POLD1: variants seen among roughly 807,000 people sequenced by gnomAD.
POLD1 encodes DNA polymerase delta catalytic subunit.
POLD1 carries 79 observed loss-of-function variants against 129.7 expected under a neutral mutation model. The ratio of observed to expected loss-of-function variants is 0.61; its 90% CI spans 0.51 to 0.73. POLD1 has a LOEUF of 0.73. POLD1 is among the 30% of genes least tolerant of loss of function. The pLI is 0.00. For missense variants in POLD1, 1,338 were observed against 1,595.8 expected (o/e 0.84, Z 2.75); for synonymous variants, 714 against 683.3 (o/e 1.04, Z -0.70).
At chr19:50,401,386 TA>T (rs1281678151) in intron 3 of POLD1, among the ~76,000 whole-genome samples, 20 of 61,812 alleles carry the variant, frequency 3.2e-4, no homozygotes, top group African/African-American at 1.0e-3. Context: ...TATATATATA[TA>T]TATATTTTTT....
rs201187429 is a variant in POLD1 at position 50,401,887 on chromosome 19, C to T, written c.426C>T (p.His142=). 38 of 1,614,062 alleles carry T rather than the reference C, an allele frequency of 2.4e-5. No individual in the cohort carries two copies. The highest frequency in any genetic ancestry group is 2.9e-5 in the Non-Finnish European group (34 of 1,179,970). The change falls in exon 4 of 27, where the codon CAC becomes CAT. Residue 142 remains histidine (H), a synonymous_variant. Transcript: ENST00000440232. ...GGTTCTCTGTCTGCTGCCACATCCA[C>T]GGCTTCGCTCCCTACTTCTACACCC... ...DEGFSVCCHI[H]GFAPYFYTPA... is the part of the protein sequence containing the mutation.
chr19:50,408,690 A>ATT lies in POLD1; in HGVS notation c.1776-84_1776-83dup, dbSNP rs751745933. Reference sequence around the variant, plus strand: ...GAGCACTGCTCCCAGCCAATGAATGATTTTTTTTTTTTAAAGGGTGAGGCC... The same window carrying ATT: ...GAGCACTGCTCCCAGCCAATGAATGATTTTTTTTTTTTTTAAAGGGTGAGGCC... On this transcript the variant is annotated intron_variant, in intron 14 of 26. Transcript: ENST00000440232. 50 of 1,147,106 alleles carry ATT rather than the reference A, an allele frequency of 4.4e-5. No homozygotes were observed. The highest frequency in any genetic ancestry group is 2.3e-4 in the Middle Eastern group (1 of 4,398). 71.1% of individuals were successfully genotyped at this position (1,147,106 alleles called of 1,614,324 possible).
chr19:50,417,685 CCCCCCGT>C (rs1395754191), intron 26 of POLD1, among the ~76,000 whole-genome samples, 150 bp from the exon 27 acceptor site: 34 of 142,602 alleles, frequency 2.4e-4, no homozygotes, highest in African/African-American at 8.0e-4. Context: ...CCCCCCCACC[CCCCCCGT>C]GCCTGCTGAG....
At position 50,398,981 on chromosome 19, in the gene POLD1, A is replaced by T; in HGVS notation, c.130A>T (p.Met44Leu). Residue 44 changes from methionine (M) to leucine (L), a missense_variant, in exon 2 of 27, where the codon ATG becomes TTG. Around this residue, in one of 3 missense-constraint regions of POLD1, gnomAD observed 332 missense variants for 315.7 expected, o/e 1.05. Transcript: ENST00000440232. ...FEEDLALMEE[M>L]EAEHRLQEQE... ...GGAGGACCTGGCACTGATGGAGGAG[A>T]TGGAGGCAGAACACAGGCTGCAGGA... 1 of 1,572,504 alleles carries T rather than the reference A, an allele frequency of 6.4e-7. No individual in the cohort carries two copies. Among genetic ancestry groups the T allele is most frequent in the Non-Finnish European group, 8.6e-7 (1 of 1,158,888 alleles).
At chr19:50,391,306 C>T (rs1283514779) in intron 1 of POLD1, among the ~76,000 whole-genome samples, 2 of 152,156 alleles carry the variant, frequency 1.3e-5, no homozygotes, top group African/African-American at 4.8e-5. Flanking sequence ...GGCGGCCGGG[C>T]AGAGGCTGCA....
chr19:50,417,562 C>T (rs1414949644), intron 26 of POLD1, among the ~76,000 whole-genome samples: 12 of 152,224 alleles, frequency 7.9e-5, no homozygotes, highest in Admixed American at 1.3e-4. Flanking sequence ...AGGGCGGGGC[C>T]GGGCTTTCCC....
intron 1 of POLD1, among the ~76,000 whole-genome samples, chr19:50,389,711 C>T (rs1402015152): frequency 6.6e-6 from 1 of 151,626 alleles, no homozygotes; most frequent in Non-Finnish European, 1.5e-5. Flanking sequence ...CTCAGCCTCC[C>T]GAATAGCTGG....
intron 2 of POLD1, 55 bp downstream of exon 2, chr19:50,399,108 C>T: frequency 6.5e-7 from 1 of 1,550,072 alleles, no homozygotes; most frequent in Non-Finnish European, 8.7e-7. Context: ...CTGGTCTTGC[C>T]TTTGGTCCAA....
rs765448811 is a variant in POLD1, at chr19:50,402,476, G to T, written c.781G>T (p.Val261Phe). ...CAGGTTCATGGTGGACACGGACATC[G>T]TCGGCTGCAACTGGCTGGAGCTCCC... is the stretch of plus-strand genomic sequence containing the variant. ...EIRFMVDTDI[V>F]GCNWLELPAG... is the part of the protein sequence containing the mutation. Residue 261 changes from valine (V) to phenylalanine (F), a missense_variant, in exon 7 of 27, where the codon GTC (valine) becomes TTC (phenylalanine). Val to Phe is a conservative substitution (Grantham distance 50). Transcript: ENST00000440232. 1.2e-6 allele frequency: 2 copies of T among 1,612,338 alleles called. No individual in the cohort carries two copies. Among genetic ancestry groups the T allele is most frequent in the Non-Finnish European group, 1.7e-6 (2 of 1,179,316 alleles).
intron 1 of POLD1, among the ~76,000 whole-genome samples, chr19:50,397,191 G>T (rs915943434): frequency 2.6e-5 from 4 of 151,618 alleles, no homozygotes; most frequent in Non-Finnish European, 4.4e-5. Flanking sequence ...TTGAGGTCAG[G>T]AGTTCAAGAC....
Position 50,409,773 on chromosome 19 carries a change from C to T in POLD1, c.2154+107C>T, listed in dbSNP as rs945449832. 2 of 1,224,624 alleles carry T rather than the reference C, an allele frequency of 1.6e-6. No homozygotes were observed. The highest frequency in any genetic ancestry group is 1.5e-5 in the African/African-American group (1 of 65,938). 75.9% of individuals were successfully genotyped at this position (1,224,624 alleles called of 1,614,324 possible). The stretch of plus-strand genomic sequence containing the variant: ...GTATCCAGAGGACTGGGCACCCCAA[C>T]TCACTGGCCTTCTAGAGAGAGGATG... On this transcript the variant is annotated intron_variant, in intron 17 of 26. Transcript: ENST00000440232. This position sits in a 1 kb window ranked among gnomAD's most constrained non-coding sequence, Gnocchi z 5.8.
intron 26 of POLD1, among the ~76,000 whole-genome samples, 158 bp downstream of exon 26, chr19:50,417,427 T>C (rs1382566823): frequency 1.3e-5 from 2 of 152,086 alleles, no homozygotes; most frequent in Non-Finnish European, 2.9e-5. Context: ...TGTCCTTGTC[T>C]GAAAAATGGG....
Position 50,406,162 on chromosome 19 carries a change from AC to A in POLD1, c.1243-17del, listed in dbSNP as rs1568625987. On this transcript the variant is annotated intron_variant, in intron 10 of 26. Coordinates refer to ENST00000440232, the MANE Select transcript of POLD1 (RefSeq NM_002691.4). The surrounding 1 kb of genome is among the most constrained non-coding windows in gnomAD (Gnocchi z 5.5). Reference sequence around the variant, plus strand: ...GACGGGGACCCGCAGCCTGCTGCACACCCTGCCTCTCCTCCTCAGGTACAAA... The same window carrying A: ...GACGGGGACCCGCAGCCTGCTGCACACCTGCCTCTCCTCCTCAGGTACAAA... 6.2e-7 allele frequency: 1 copy of A among 1,608,136 alleles called. No individual in the cohort carries two copies.
At position 50,408,611 on chromosome 19, in the gene POLD1, G is replaced by T. The variant is rs183536093; in HGVS notation, c.1776-174G>T. ...TTGCCCAGGCTGATCTGAAACTCCT[G>T]AGTTCAAGCGATCCTCCTGCCTCAG... On this transcript the variant is annotated intron_variant, in intron 14 of 26. Transcript: ENST00000440232. 9.4e-4 allele frequency: 915 copies of T among 975,194 alleles called. 10 individuals carry two copies. Among genetic ancestry groups the T allele is most frequent in the South Asian group, 4.9e-3 (303 of 61,562 alleles). The allele number at this position is 975,194 out of a possible 1,614,324, so 60.4% of individuals were successfully genotyped here.
chr19:50,417,691 G>A (rs2445838), intron 26 of POLD1, 151 bp from the exon 27 acceptor site: 14 of 66,150 alleles, frequency 2.1e-4, no homozygotes, highest in Non-Finnish European at 3.4e-4. Flanking sequence ...CACCCCCCCC[G>A]TGCCTGCTGA....
chr19:50,403,896 G>A (rs2038766019), intron 10 of POLD1, among the ~76,000 whole-genome samples: 1 of 152,180 alleles, frequency 6.6e-6, no homozygotes. Flanking sequence ...CTGAATCCCA[G>A]TCTTCCTTTA....
rs757190258 is a variant in POLD1 at position 50,416,682 on chromosome 19, G to A, written c.3026G>A (p.Arg1009His). The A allele has an allele frequency of 1.8e-5, 28 of 1,551,706 alleles. No homozygotes were observed. The highest frequency in any genetic ancestry group is 2.3e-5 in the Non-Finnish European group (27 of 1,153,188). ...VGGLLAFAKR[R>H]NCCIGCRTVL... ...GGCCTCCTGGCCTTCGCCAAACGCC[G>A]CAACTGCTGCATTGGCTGCCGCACA... Residue 1009 changes from arginine to histidine, a missense_variant, in exon 24 of 27, where the codon CGC becomes CAC. By Grantham distance (29) the Arg-to-His change is conservative. Around this residue, in one of 3 missense-constraint regions of POLD1, gnomAD observed 286 missense variants for 277.5 expected, o/e 1.03. Coordinates refer to ENST00000440232, the MANE Select transcript of POLD1 (RefSeq NM_002691.4).
chr19:50,403,379 C>T (rs1346558662), intron 9 of POLD1, 114 bp from the exon 10 acceptor site: 1 of 1,117,606 alleles, frequency 8.9e-7, no homozygotes, highest in South Asian at 1.4e-5. Context: ...TGAGCACTTC[C>T]CCTCTGGGTT....
In POLD1 at chr19:50,407,255, C is replaced by T. The variant is rs2038929412; in HGVS notation, c.1687-72C>T. ...TCCAGGCAATGGCATCCTGGATGCA[C>T]TTTTTCTCCCCACTCCCAATCCGCA... On this transcript the variant is annotated intron_variant, in intron 13 of 26. Transcript: ENST00000440232. 7.8e-6 allele frequency: 12 copies of T among 1,547,244 alleles called. No homozygotes were observed. The East Asian group carries it at 2.7e-4, about 35-fold the overall frequency.
Sources: gnomAD v4.1 joint callset for allele counts (sites outside exome capture counted in the v4.1 genomes callset) on GRCh38, gnomAD v4.1.1 for gene constraint, gnomAD v4.1.1 regional missense constraint, Gnocchi (gnomAD v3.1) non-coding constraint, MANE v1.5 for transcripts, NCBI Gene and HGNC (gene_info 2026-07-23, HGNC 2026-07-21) for gene names.